TSTD1: variants seen among roughly 807,000 people sequenced by gnomAD.
TSTD1 encodes thiosulfate sulfurtransferase like domain containing 1.
In TSTD1, 7 loss-of-function variants were observed where a neutral mutation model predicts 12.6. The ratio of observed to expected loss-of-function variants is 0.55; its 90% CI spans 0.32 to 1.04. TSTD1 has a LOEUF of 1.04. TSTD1 is among the 50% of genes least tolerant of loss of function. The probability of loss-of-function intolerance (pLI) is 0.05; values close to 1 mark genes in which losing one functional copy is unlikely to be tolerated. For missense variants in TSTD1, 156 were observed against 151.0 expected, an observed-to-expected ratio of 1.03 and a Z score of -0.17; for synonymous variants, 73 against 59.7, an observed-to-expected ratio of 1.22 and a Z score of -1.03.
In TSTD1 at chr1:161,038,767, G is replaced by A. The variant is rs1650350664; in HGVS notation, c.11-94C>T. 172 of 1,521,248 alleles carry A rather than the reference G, an allele frequency of 1.1e-4. 2 individuals are homozygous for A. In the South Asian group the frequency reaches 1.9e-3, roughly 17 times the overall value. The allele number at this position is 1,521,248 out of a possible 1,614,324, so 94.2% of individuals were successfully genotyped here. ...CACCTGGCAGCGCCCCTCCCGGTAG[G>A]GTGTGCACGAAGACCCCTCAGCCAC... is the stretch of plus-strand genomic sequence containing the variant. On this transcript the variant is annotated intron_variant, in intron 1 of 3. Transcript: ENST00000423014.
In TSTD1 at chr1:161,038,678, G is replaced by C; in HGVS notation, c.11-5C>G. On this transcript the variant is annotated splice_region_variant and splice_polypyrimidine_tract_variant and intron_variant, in intron 1 of 3. Transcript: ENST00000423014. ...CAGGAAGCGAGACCGTGGGCGCTGAGGAAGGGGCGCGACAGCCTTCAGGAA... is the reference window on the plus strand; with the variant it reads ...CAGGAAGCGAGACCGTGGGCGCTGACGAAGGGGCGCGACAGCCTTCAGGAA... 2 of 1,542,632 alleles carry C rather than the reference G, an allele frequency of 1.3e-6. No individual in the cohort carries two copies. The highest frequency in any genetic ancestry group is 1.8e-6 in the Non-Finnish European group (2 of 1,139,588).
In TSTD1 at chr1:161,037,664, G is replaced by A; in HGVS notation, c.*111C>T. The A allele has an allele frequency of 1.8e-6, 2 of 1,140,154 alleles. No homozygotes were observed. Among genetic ancestry groups the A allele is most frequent in the Non-Finnish European group, 2.5e-6 (2 of 788,298 alleles). The allele number at this position is 1,140,154 out of a possible 1,614,324, so 70.6% of individuals were successfully genotyped here. A position where few individuals can be genotyped will look rare whatever the true frequency, so the allele number is the denominator to read the frequency against. On this transcript the variant is annotated 3_prime_UTR_variant, in exon 4 of 4. Transcript: ENST00000423014. The stretch of plus-strand genomic sequence containing the variant: ...AATGTTCTTTATTTGATGCTTTTGT[G>A]TGCACAACACTATAAGGAGTTGCCC...
chr1:161,038,239 C>A, intron 2 of TSTD1, 164 bp from the exon 3 acceptor site: 1 of 753,342 alleles, frequency 1.3e-6, no homozygotes, highest in Non-Finnish European at 2.1e-6. Flanking sequence ...CTTTTGAATG[C>A]AAGCCACTCC....
Position 161,038,921 on chromosome 1 carries a change from G to T in TSTD1, c.-32C>A. On this transcript the variant is annotated 5_prime_UTR_variant, in exon 1 of 4. Coordinates refer to ENST00000423014, the MANE Select transcript of TSTD1 (RefSeq NM_001113207.2). ...CGTAGCAACCGCGAGTCTCCGGAGT[G>T]CGGCCCTGGCCCGCCCTCTCGGCGC... 6.4e-7 allele frequency: 1 copy of T among 1,550,618 alleles called. No homozygotes were observed. Among genetic ancestry groups the T allele is most frequent in the Non-Finnish European group, 8.7e-7 (1 of 1,146,334 alleles).
chr1:161,037,875 C>G lies in TSTD1; in HGVS notation c.296+38G>C, dbSNP rs866043541. ...AGACTGACAGGAATGACAGGCAGTC[C>G]CCATCACCTCCCAGCTAGCAGCCAC... On this transcript the variant is annotated intron_variant, in intron 3 of 3. Coordinates refer to ENST00000423014, the MANE Select transcript of TSTD1 (RefSeq NM_001113207.2). 6.4e-6 allele frequency: 10 copies of G among 1,551,624 alleles called. No homozygotes were observed. The African/African-American group carries it at 1.2e-4, about 19-fold the overall frequency.
Position 161,037,667 on chromosome 1 carries a change from C to T in TSTD1, c.*108G>A. The T allele has an allele frequency of 8.5e-7, 1 of 1,178,176 alleles. No homozygotes were observed. The highest frequency in any genetic ancestry group is 1.5e-5 in the African/African-American group (1 of 65,282). 73.0% of individuals were successfully genotyped at this position (1,178,176 alleles called of 1,614,324 possible). A position where few individuals can be genotyped will look rare whatever the true frequency, so the allele number is the denominator to read the frequency against. ...GTTCTTTATTTGATGCTTTTGTGTG[C>T]ACAACACTATAAGGAGTTGCCCAAT... On this transcript the variant is annotated 3_prime_UTR_variant, in exon 4 of 4. Coordinates refer to ENST00000423014, the MANE Select transcript of TSTD1 (RefSeq NM_001113207.2).
chr1:161,037,943 G>A lies in TSTD1; in HGVS notation c.266C>T (p.Thr89Met), dbSNP rs1355411109. 9.0e-6 allele frequency: 14 copies of A among 1,551,686 alleles called. No homozygotes were observed. The highest frequency in any genetic ancestry group is 1.4e-5 in the African/African-American group (1 of 73,058). ...GTATCCAAGACTCCGGGCCAGCTGCGTGGCCTGGAGGCCCCGCTTGCCCAT... is the reference window on the plus strand; with the variant it reads ...GTATCCAAGACTCCGGGCCAGCTGCATGGCCTGGAGGCCCCGCTTGCCCAT... ...CQMGKRGLQATQLARSLGYTG... is the reference protein window; with the variant it reads ...CQMGKRGLQAMQLARSLGYTG... Residue 89 changes from threonine (T) to methionine (M), a missense_variant, in exon 3 of 4, where the codon ACG (threonine) becomes ATG (methionine). Physicochemically the swap from Thr to Met is moderately conservative, Grantham distance 81. Coordinates refer to ENST00000423014, the MANE Select transcript of TSTD1 (RefSeq NM_001113207.2).
chr1:161,038,922 C>G lies in TSTD1; in HGVS notation c.-33G>C. On this transcript the variant is annotated 5_prime_UTR_variant, in exon 1 of 4. Coordinates refer to ENST00000423014, the MANE Select transcript of TSTD1 (RefSeq NM_001113207.2). Reference sequence around the variant, plus strand: ...GTAGCAACCGCGAGTCTCCGGAGTGCGGCCCTGGCCCGCCCTCTCGGCGCC... The same window carrying G: ...GTAGCAACCGCGAGTCTCCGGAGTGGGGCCCTGGCCCGCCCTCTCGGCGCC... The G allele has an allele frequency of 6.5e-7, 1 of 1,548,856 alleles. No individual in the cohort carries two copies. Among genetic ancestry groups the G allele is most frequent in the African/African-American group, 1.4e-5 (1 of 73,118 alleles).
intron 2 of TSTD1, 98 bp downstream of exon 2, chr1:161,038,453 G>A (rs1020064463): frequency 1.8e-5 from 24 of 1,368,284 alleles, no homozygotes; most frequent in Non-Finnish European, 2.1e-5. Context: ...CCCATAATCA[G>A]TGCCTTCCCC....
intron 2 of TSTD1, 156 bp downstream of exon 2, chr1:161,038,395 C>T (rs1650318530): frequency 1.1e-6 from 1 of 923,132 alleles, no homozygotes; most frequent in Non-Finnish European, 1.6e-6. Flanking sequence ...CGCCCCCCAT[C>T]AGTCCTTCCT....
chr1:161,038,902 A>C lies in TSTD1; in HGVS notation c.-13T>G. The C allele has an allele frequency of 1.3e-6, 2 of 1,550,792 alleles. No individual in the cohort carries two copies. Among genetic ancestry groups the C allele is most frequent in the South Asian group, 2.4e-5 (2 of 84,034 alleles). On this transcript the variant is annotated 5_prime_UTR_variant, in exon 1 of 4. Transcript: ENST00000423014. ...TACCTCCAGCCATGGTGCGCGTAGC[A>C]ACCGCGAGTCTCCGGAGTGCGGCCC...
In TSTD1 at chr1:161,037,657, C is replaced by T; in HGVS notation, c.*118G>A. ...TTGATTAAATGTTCTTTATTTGATG[C>T]TTTTGTGTGCACAACACTATAAGGA... is the stretch of plus-strand genomic sequence containing the variant. On this transcript the variant is annotated 3_prime_UTR_variant, in exon 4 of 4. Transcript: ENST00000423014. 1 of 1,079,584 alleles carries T rather than the reference C, an allele frequency of 9.3e-7. No individual in the cohort carries two copies. Among genetic ancestry groups the T allele is most frequent in the Non-Finnish European group, 1.4e-6 (1 of 738,860 alleles). 66.9% of individuals were successfully genotyped at this position (1,079,584 alleles called of 1,614,324 possible).
intron 2 of TSTD1, 123 bp downstream of exon 2, chr1:161,038,428 C>T (rs1423943336): frequency 4.9e-6 from 6 of 1,224,164 alleles, no homozygotes; most frequent in African/African-American, 4.6e-5. Context: ...GGCTGGCTCC[C>T]GGGAATGCAG....
chr1:161,038,881 T>G lies in TSTD1; in HGVS notation c.9A>C (p.Gly3=). ...GCCCCAGGAATCCCCCGCAGGTACCTCCAGCCATGGTGCGCGTAGCAACCG... is the reference window on the plus strand; with the variant it reads ...GCCCCAGGAATCCCCCGCAGGTACCGCCAGCCATGGTGCGCGTAGCAACCG... MA[G]APTVSLPELR... is the part of the protein sequence containing the mutation. The change falls in exon 1 of 4, where the codon GGA becomes GGC. Residue 3 remains glycine, a splice_region_variant and synonymous_variant. Transcript: ENST00000423014. The G allele has an allele frequency of 6.5e-7, 1 of 1,550,266 alleles. No individual in the cohort carries two copies. The highest frequency in any genetic ancestry group is 2.0e-5 in the Admixed American group (1 of 50,954).
chr1:161,038,844 A>C (rs1395792323), intron 1 of TSTD1, 36 bp downstream of exon 1: 1 of 1,548,386 alleles, frequency 6.5e-7, no homozygotes. Flanking sequence ...CCAGAGGACC[A>C]AGAGAACCGC....
At position 161,038,622 on chromosome 1, in the gene TSTD1, G is replaced by A; in HGVS notation, c.62C>T (p.Ala21Val). 6.4e-7 allele frequency: 1 copy of A among 1,550,864 alleles called. No individual in the cohort carries two copies. Among genetic ancestry groups the A allele is most frequent in the Non-Finnish European group, 8.7e-7 (1 of 1,146,346 alleles). The change falls in exon 2 of 4, where the codon GCC becomes GTC. Residue 21 changes from alanine (A) to valine (V), a missense_variant. By Grantham distance (64) the Ala-to-Val change is moderately conservative. Coordinates refer to ENST00000423014, the MANE Select transcript of TSTD1 (RefSeq NM_001113207.2). ...GCGAGAGCGCACGTCGAAGAGCCGGGCCCGTCCGGAGGCTAGGAGTGAACG... is the reference window on the plus strand; with the variant it reads ...GCGAGAGCGCACGTCGAAGAGCCGGACCCGTCCGGAGGCTAGGAGTGAACG... ...ELRSLLASGR[A>V]RLFDVRSREE...
In TSTD1 at chr1:161,037,930, C is replaced by T. The variant is rs1365810474; in HGVS notation, c.279G>A (p.Arg93=). 4 of 1,551,762 alleles carry T rather than the reference C, an allele frequency of 2.6e-6. No homozygotes were observed. Among genetic ancestry groups the T allele is most frequent in the Non-Finnish European group, 2.6e-6 (3 of 1,147,040 alleles). The part of the protein sequence containing the change: ...KRGLQATQLA[R]SLGYTGARNY... Reference sequence around the variant, plus strand: ...CCCCGTACCCAGTGTATCCAAGACTCCGGGCCAGCTGCGTGGCCTGGAGGC... The same window carrying T: ...CCCCGTACCCAGTGTATCCAAGACTTCGGGCCAGCTGCGTGGCCTGGAGGC... The change falls in exon 3 of 4, where the codon CGG becomes CGA. Residue 93 remains arginine, a synonymous_variant. Transcript: ENST00000423014.
In TSTD1 at chr1:161,038,055, G is replaced by A; in HGVS notation, c.154C>T (p.Leu52=). The A allele has an allele frequency of 1.3e-6, 2 of 1,551,612 alleles. No individual in the cohort carries two copies. The highest frequency in any genetic ancestry group is 1.7e-6 in the Non-Finnish European group (2 of 1,147,012). ...NIPVSELESA[L]QMEPAAFQAL... Reference sequence around the variant, plus strand: ...TGGAAGGCAGCTGGCTCCATCTGCAGAGCACTCTCCAACTCGGACACTGGA... The same window carrying A: ...TGGAAGGCAGCTGGCTCCATCTGCAAAGCACTCTCCAACTCGGACACTGGA... Residue 52 remains leucine (L), a synonymous_variant, in exon 3 of 4, where the codon CTG becomes TTG. Coordinates refer to ENST00000423014, the MANE Select transcript of TSTD1 (RefSeq NM_001113207.2).
intron 1 of TSTD1, 67 bp downstream of exon 1, chr1:161,038,813 C>A: frequency 1.3e-6 from 2 of 1,529,100 alleles, no homozygotes; most frequent in South Asian, 2.4e-5. Context: ...TCCGCCACCC[C>A]ACTCCCTGCC....
Sources: gnomAD v4.1 joint callset for allele counts on GRCh38, gnomAD v4.1.1 for gene constraint, MANE v1.5 for transcripts, NCBI Gene and HGNC (gene_info 2026-07-23, HGNC 2026-07-21) for gene names.